Variants in PTPN13 observed in about 807,000 individuals in gnomAD.
PTPN13 encodes tyrosine-protein phosphatase non-receptor type 13.
PTPN13 carries 191 observed loss-of-function variants against 284.0 expected under a neutral mutation model. That is an observed-to-expected ratio of 0.67 (90% confidence interval 0.60 to 0.76). The LOEUF (loss-of-function observed/expected upper bound fraction) is 0.76. Among genes scored for constraint, PTPN13 ranks in the 30% least tolerant of loss-of-function variants. PTPN13 has a pLI of 0.00. For synonymous variants in PTPN13, 986 were observed against 1,022.3 expected, an observed-to-expected ratio of 0.96 and a Z score of 0.68; for missense variants, 2,797 against 2,939.9, an observed-to-expected ratio of 0.95 and a Z score of 1.12.
intron 1 of PTPN13, among the ~76,000 whole-genome samples, chr4:86,601,728 A>G (rs996684163): frequency 6.6e-6 from 1 of 152,162 alleles, no homozygotes; most frequent in Non-Finnish European, 1.5e-5. Context: ...AATTGAAAAA[A>G]TGAATACTGC....
At chr4:86,807,424 A>G in intron 44 of PTPN13, 136 bp from the exon 45 acceptor site, 1 of 649,658 alleles carries the variant, frequency 1.5e-6, no homozygotes, top group East Asian at 2.7e-5. Context: ...TTGAAAATAT[A>G]CTTCTATTAA....
chr4:86,755,195 C>A (rs150474953), intron 20 of PTPN13, among the ~76,000 whole-genome samples: 2 of 151,958 alleles, frequency 1.3e-5, no homozygotes, highest in Non-Finnish European at 2.9e-5. Flanking sequence ...GTATTATATT[C>A]GCTCTTACCT....
chr4:86,698,123 G>C (rs1360015607), intron 6 of PTPN13, among the ~76,000 whole-genome samples: 1 of 152,194 alleles, frequency 6.6e-6, no homozygotes, highest in African/African-American at 2.4e-5. Flanking sequence ...GAAATAGGGT[G>C]ATGGCAGTGG....
chr4:86,723,531 G>T (rs983409568), intron 10 of PTPN13, among the ~76,000 whole-genome samples: 2 of 152,178 alleles, frequency 1.3e-5, no homozygotes, highest in African/African-American at 2.4e-5. Context: ...AAAGATCGGG[G>T]ACCGCTGCTT....
intron 2 of PTPN13, among the ~76,000 whole-genome samples, chr4:86,642,050 G>T (rs1723860126): frequency 2.0e-5 from 3 of 151,980 alleles, no homozygotes. Context: ...ACATGTGATG[G>T]CTAATGACTA....
chr4:86,787,859 A>G (rs1044787448), intron 40 of PTPN13, among the ~76,000 whole-genome samples: 6 of 152,190 alleles, frequency 3.9e-5, no homozygotes, highest in African/African-American at 1.2e-4. Flanking sequence ...AGGTTATACC[A>G]TAATTTATTA....
At chr4:86,596,106 A>G (rs1763754065) in intron 1 of PTPN13, among the ~76,000 whole-genome samples, 1 of 152,206 alleles carries the variant, frequency 6.6e-6, no homozygotes, top group Non-Finnish European at 1.5e-5. Context: ...TTTGTTCATA[A>G]CATTGTGTTC....
chr4:86,655,066 C>T (rs1725592326), intron 2 of PTPN13, among the ~76,000 whole-genome samples: 1 of 152,092 alleles, frequency 6.6e-6, no homozygotes, highest in Non-Finnish European at 1.5e-5. Flanking sequence ...ATTGCAACCC[C>T]TGCCTTTTTT....
At chr4:86,605,222 A>G (rs1175631717) in intron 1 of PTPN13, among the ~76,000 whole-genome samples, 5 of 151,994 alleles carry the variant, frequency 3.3e-5, no homozygotes, top group South Asian at 4.1e-4. Flanking sequence ...TAAAGGACCA[A>G]TAGTTCCAGA....
At chr4:86,694,470 C>T (rs572189059) in intron 6 of PTPN13, among the ~76,000 whole-genome samples, 1 of 150,496 alleles carries the variant, frequency 6.6e-6, no homozygotes, top group African/African-American at 2.4e-5. Flanking sequence ...ATCCCAGCTA[C>T]TCGGGAGGCT....
intron 17 of PTPN13, among the ~76,000 whole-genome samples, chr4:86,747,161 A>G (rs896246138): frequency 1.3e-5 from 2 of 152,230 alleles, no homozygotes; most frequent in Non-Finnish European, 2.9e-5. Flanking sequence ...GTCATCCTCA[A>G]CATTTCTTAT....
rs562010121 is a variant in PTPN13, at chr4:86,621,699, A to G, written c.-5-13553A>G. Among the ~76,000 whole-genome samples, 37 of 152,328 alleles carry G rather than the reference A, an allele frequency of 2.4e-4. No individual in the cohort carries two copies. The South Asian group carries it at 6.4e-3, about 26-fold the overall frequency. The stretch of plus-strand genomic sequence containing the variant: ...TTCAGAATATAGAGTAAAGCACTGC[A>G]TTACTTTTTTAAACATAACATAGCT... On this transcript the variant is annotated intron_variant, in intron 1 of 47. Coordinates refer to ENST00000411767, the MANE Select transcript of PTPN13 (RefSeq NM_080683.3).
chr4:86,799,005 A>G (rs1341839031), intron 41 of PTPN13, 96 bp from the exon 42 acceptor site: 2 of 743,200 alleles, frequency 2.7e-6, no homozygotes, highest in Non-Finnish European at 2.1e-6. Context: ...TTCTATTTTA[A>G]AATACTATAA....
At chr4:86,622,022 A>C (rs1481777370) in intron 1 of PTPN13, among the ~76,000 whole-genome samples, 1 of 152,096 alleles carries the variant, frequency 6.6e-6, no homozygotes, top group Non-Finnish European at 1.5e-5. Context: ...AACAGACAGA[A>C]CCTTAAATAA....
intron 2 of PTPN13, 37 bp from the exon 3 acceptor site, chr4:86,672,328 T>C (rs1727799251): frequency 1.4e-6 from 2 of 1,478,546 alleles, no homozygotes; most frequent in South Asian, 1.3e-5. Context: ...TTTTCTTCTT[T>C]TTTTTTATTT....
chr4:86,693,668 C>T lies in PTPN13; in HGVS notation c.628C>T (p.Pro210Ser), dbSNP rs1182627250. ...IRDRLRGKGLPTGRSSTSDVL... is the reference protein window; with the variant it reads ...IRDRLRGKGLSTGRSSTSDVL... ...AGATCGATTGCGAGGAAAAGGATTA[C>T]CAACAGGTAAGAGTATATTAATAGG... Residue 210 changes from proline to serine, a missense_variant, in exon 6 of 48, where the codon CCA (proline) becomes TCA (serine). Transcript: ENST00000411767. 1.3e-6 allele frequency: 2 copies of T among 1,548,668 alleles called. No homozygotes were observed. Among genetic ancestry groups the T allele is most frequent in the Non-Finnish European group, 1.7e-6 (2 of 1,143,286 alleles).
chr4:86,703,377 T>C (rs1731370702), intron 7 of PTPN13, among the ~76,000 whole-genome samples: 1 of 151,938 alleles, frequency 6.6e-6, no homozygotes, highest in Non-Finnish European at 1.5e-5. Flanking sequence ...TAATTTAGTC[T>C]GACCTTCTGT....
chr4:86,795,983 A>G (rs1285386020), intron 40 of PTPN13, among the ~76,000 whole-genome samples: 2 of 148,762 alleles, frequency 1.3e-5, no homozygotes, highest in Non-Finnish European at 3.0e-5. Flanking sequence ...GCACATGTCT[A>G]CCTACATAAC....
In PTPN13 at chr4:86,729,029, C is replaced by A. The variant is rs768380284; in HGVS notation, c.1609-3371C>A. Among the ~76,000 whole-genome samples the A allele has an allele frequency of 1.3e-5, 2 of 149,086 alleles. 1 individual carries two copies. Among genetic ancestry groups the A allele is most frequent in the Non-Finnish European group, 3.0e-5 (2 of 66,518 alleles). ...GCTTCCTTCAGGAATTTTTGTAAGGCAGGCCTGATGGTGACAAAATCTGTC... is the reference window on the plus strand; with the variant it reads ...GCTTCCTTCAGGAATTTTTGTAAGGAAGGCCTGATGGTGACAAAATCTGTC... On this transcript the variant is annotated intron_variant, in intron 10 of 47. Coordinates refer to ENST00000411767, the MANE Select transcript of PTPN13 (RefSeq NM_080683.3).
Sources: gnomAD v4.1 joint callset for allele counts (sites outside exome capture counted in the v4.1 genomes callset) on GRCh38, gnomAD v4.1.1 for gene constraint, MANE v1.5 for transcripts, NCBI Gene and HGNC (gene_info 2026-07-23, HGNC 2026-07-21) for gene names.